SPPL3: variants seen among roughly 807,000 people sequenced by gnomAD.
SPPL3 encodes signal peptide peptidase-like 3.
In SPPL3, 5 loss-of-function variants were observed where a neutral mutation model predicts 42.4. The observed-to-expected ratio is 0.12, with a 90% CI of 0.06 to 0.25. The LOEUF (loss-of-function observed/expected upper bound fraction) is 0.25, where lower values mean the gene tolerates loss of function less well. Ranked by LOEUF, SPPL3 falls within the 10% of genes least tolerant of loss-of-function variation. The probability of loss-of-function intolerance (pLI) is 1.00; values close to 1 mark genes in which losing one functional copy is unlikely to be tolerated. For missense variants in SPPL3, 235 were observed against 489.0 expected, an observed-to-expected ratio of 0.48 and a Z score of 4.90; for synonymous variants, 195 against 181.8, an observed-to-expected ratio of 1.07 and a Z score of -0.58.
intron 4 of SPPL3, among the ~76,000 whole-genome samples, chr12:120,784,012 AT>A (rs150573945): frequency 0.086 from 13,112 of 152,118 alleles, 1,648 homozygotes; most frequent in African/African-American, 0.28. Context: ...GTCTTGTAGC[AT>A]TTTGCCGATT....
chr12:120,789,435 C>T (rs1200707758), intron 3 of SPPL3, among the ~76,000 whole-genome samples: 1 of 115,518 alleles, frequency 8.7e-6, no homozygotes, highest in Non-Finnish European at 1.7e-5. Context: ...GCCTGGGTGA[C>T]AGTGAGACTC....
chr12:120,789,856 T>C (rs1218581553), intron 3 of SPPL3, among the ~76,000 whole-genome samples: 1 of 128,236 alleles, frequency 7.8e-6, no homozygotes, highest in African/African-American at 3.3e-5. Context: ...AAAAAAGAGC[T>C]GTATTACCAG....
chr12:120,885,436 A>C (rs373717316), intron 1 of SPPL3, among the ~76,000 whole-genome samples: 14 of 152,318 alleles, frequency 9.2e-5, no homozygotes, highest in Middle Eastern at 3.4e-3. Flanking sequence ...CATGTAAATT[A>C]AGTCATGATC....
At chr12:120,845,858 TTATCTATCTATC>T (rs60954976) in intron 1 of SPPL3, among the ~76,000 whole-genome samples, 5,326 of 147,386 alleles carry the variant, frequency 0.036, 122 homozygotes, top group African/African-American at 0.046. Context: ...TTAGAATCCA[TTATCTATCTATC>T]TATCTATCTA....
At chr12:120,903,244 G>C (rs1452756313) in intron 1 of SPPL3, 1 of 148,188 alleles carries the variant, frequency 6.7e-6, no homozygotes, top group Non-Finnish European at 1.5e-5. Flanking sequence ...CTCTTCACCA[G>C]TGACTCCCCT....
intron 6 of SPPL3, among the ~76,000 whole-genome samples, chr12:120,774,747 T>TA (rs1271025445): frequency 6.6e-6 from 1 of 151,822 alleles, no homozygotes; most frequent in Admixed American, 6.6e-5. Context: ...AAGTAACCCT[T>TA]AAAAAATCTT....
chr12:120,895,427 CAAAA>C (rs11445980), intron 1 of SPPL3, among the ~76,000 whole-genome samples: 1 of 135,554 alleles, frequency 7.4e-6, no homozygotes. Context: ...AACTCCATCT[CAAAA>C]AAAAAAAAAA....
chr12:120,900,469 G>A lies in SPPL3; in HGVS notation c.23+3376C>T, dbSNP rs146859042. The stretch of plus-strand genomic sequence containing the variant: ...AAAATGCAATAATCAGCCGGGCGTG[G>A]TGGGGCACACCTGTAGTTCCAGCTA... On this transcript the variant is annotated intron_variant, in intron 1 of 10. Coordinates refer to ENST00000353487, the MANE Select transcript of SPPL3 (RefSeq NM_139015.5). Among the ~76,000 whole-genome samples, 4 of 151,866 alleles carry A rather than the reference G, an allele frequency of 2.6e-5. No homozygotes were observed. In the East Asian group the frequency reaches 7.8e-4, roughly 30 times the overall value.
At chr12:120,806,910 C>T (rs1470445142) in intron 2 of SPPL3, among the ~76,000 whole-genome samples, 2 of 151,620 alleles carry the variant, frequency 1.3e-5, no homozygotes, top group Admixed American at 6.6e-5. Context: ...TACCAATTTA[C>T]CAGTTTCACA....
chr12:120,877,547 G>A (rs1282903145), intron 1 of SPPL3, among the ~76,000 whole-genome samples: 7 of 152,152 alleles, frequency 4.6e-5, no homozygotes, highest in Admixed American at 1.3e-4. Flanking sequence ...TTGGGAGGCC[G>A]AGGCGGGTGG....
At chr12:120,768,242 CT>C (rs1337048454) in intron 8 of SPPL3, 82 bp downstream of exon 8, 66 of 1,471,022 alleles carry the variant, frequency 4.5e-5, no homozygotes, top group Non-Finnish European at 6.0e-5. Flanking sequence ...GATCAGAATG[CT>C]GATGACATTA....
intron 1 of SPPL3, among the ~76,000 whole-genome samples, chr12:120,833,837 A>G (rs539403706): frequency 1.3e-5 from 2 of 149,772 alleles, no homozygotes; most frequent in South Asian, 2.1e-4. Flanking sequence ...GGAATATTTA[A>G]GTGGTGAGAT....
At chr12:120,903,775 T>G in intron 1 of SPPL3, 70 bp downstream of exon 1, 1 of 688,378 alleles carries the variant, frequency 1.5e-6, no homozygotes. Context: ...CCTCTTCCCC[T>G]CGGCGGGCCG....
chr12:120,766,278 C>T lies in SPPL3; in HGVS notation c.1068G>A (p.Thr356=), dbSNP rs1165597501. The T allele has an allele frequency of 7.6e-6, 12 of 1,587,248 alleles. No individual in the cohort carries two copies. The highest frequency in any genetic ancestry group is 2.3e-5 in the South Asian group (2 of 86,762). Residue 356 remains threonine, a synonymous_variant, in exon 10 of 11, where the codon ACG becomes ACA. Coordinates refer to ENST00000353487, the MANE Select transcript of SPPL3 (RefSeq NM_139015.5). The part of the protein sequence containing the change: ...LVPFTLLPLL[T]MAYLKGDLRR... The stretch of plus-strand genomic sequence containing the variant: ...CTGCTCTCACCTTTAAATAGGCCAT[C>T]GTGAGGAGTGGCAATAAAGTAAATG...
chr12:120,803,530 G>T (rs988687301), intron 2 of SPPL3, among the ~76,000 whole-genome samples: 1 of 151,426 alleles, frequency 6.6e-6, no homozygotes, highest in Non-Finnish European at 1.5e-5. Context: ...CCAGAAAGGA[G>T]TGAAAAAATG....
At chr12:120,794,850 T>C (rs1160221321) in intron 2 of SPPL3, among the ~76,000 whole-genome samples, 1 of 152,250 alleles carries the variant, frequency 6.6e-6, no homozygotes, top group Non-Finnish European at 1.5e-5. Context: ...GCATTTTTTA[T>C]GATCCAATTT....
intron 9 of SPPL3, among the ~76,000 whole-genome samples, 154 bp downstream of exon 9, chr12:120,767,240 C>A (rs554310115): frequency 4.6e-5 from 7 of 152,316 alleles, no homozygotes; most frequent in African/African-American, 1.4e-4. Context: ...GTACACAAAA[C>A]ACTTAGCATC....
intron 3 of SPPL3, among the ~76,000 whole-genome samples, chr12:120,786,802 T>A (rs762237617): frequency 5.9e-5 from 9 of 152,082 alleles, no homozygotes; most frequent in Non-Finnish European, 1.0e-4. Context: ...AGGTCTTGAA[T>A]GGGAAAGAAA....
intron 6 of SPPL3, among the ~76,000 whole-genome samples, chr12:120,782,271 G>A (rs781729826): frequency 4.5e-4 from 69 of 152,208 alleles, no homozygotes; most frequent in Non-Finnish European, 7.2e-4. Flanking sequence ...ACCGGTAAAC[G>A]AATAAATAAA....
Sources: allele counts gnomAD v4.1 joint callset (sites outside exome capture counted in the v4.1 genomes callset), GRCh38; gene constraint gnomAD v4.1.1; transcripts MANE v1.5; gene names NCBI Gene and HGNC (gene_info 2026-07-23, HGNC 2026-07-21).